PIGQ: variants seen among roughly 807,000 people sequenced by gnomAD.
PIGQ encodes the protein phosphatidylinositol N-acetylglucosaminyltransferase subunit Q.
In PIGQ, 54 loss-of-function variants were observed where a neutral mutation model predicts 60.3. The ratio of observed to expected loss-of-function variants is 0.90; its 90% confidence interval spans 0.72 to 1.12. The LOEUF (loss-of-function observed/expected upper bound fraction) is 1.12. Ranked by LOEUF, PIGQ falls within the 50% of genes most tolerant of loss-of-function variation. The probability of loss-of-function intolerance (pLI) is 0.00; values close to 1 mark genes in which losing one functional copy is unlikely to be tolerated. For synonymous variants in PIGQ, 416 were observed against 363.7 expected, an observed-to-expected ratio of 1.14 and a Z score of -1.64; for missense variants, 799 against 793.5, an observed-to-expected ratio of 1.01 and a Z score of -0.08.
chr16:583,766 C>T lies in PIGQ; in HGVS notation c.*731C>T. 1.0e-6 allele frequency: 1 copy of T among 994,272 alleles called. No homozygotes were observed. The highest frequency in any genetic ancestry group is 1.3e-5 in the South Asian group (1 of 75,432). 61.6% of individuals were successfully genotyped at this position (994,272 alleles called of 1,614,324 possible). A position where few individuals can be genotyped will look rare whatever the true frequency, so the allele number is the denominator to read the frequency against. On this transcript the variant is annotated 3_prime_UTR_variant, in exon 11 of 11. Transcript: ENST00000321878. ...TGCCCCGTAGCAGCAGGTCCTGCGG[C>T]CAAATCTGTCTCCCTTCATGGGCCT...
chr16:582,681 T>C (rs1236736154), intron 10 of PIGQ: 14 of 649,942 alleles, frequency 2.2e-5, no homozygotes, highest in African/African-American at 3.6e-5. Flanking sequence ...CGAGGGGAGA[T>C]GCAGCTTCTG....
chr16:579,232 C>T (rs777415261), intron 7 of PIGQ, 52 bp downstream of exon 7: 23 of 1,473,508 alleles, frequency 1.6e-5, no homozygotes, highest in African/African-American at 1.4e-4. Context: ...GGCCTGTGCC[C>T]GCTGGGCCAG....
rs1426871135 is a variant in PIGQ at position 583,151 on chromosome 16, TC to T, written c.*118del. ...GTGCTTTGTGGACGCTGCTGTGTGC[TC>T]CTGAACACGGCAGGCCCTGCTATCA... On this transcript the variant is annotated 3_prime_UTR_variant, in exon 11 of 11. Transcript: ENST00000321878. 1.9e-6 allele frequency: 3 copies of T among 1,613,202 alleles called. No individual in the cohort carries two copies. In the African/African-American group the frequency reaches 4.0e-5, roughly 22 times the overall value.
In PIGQ at chr16:583,206, G is replaced by T. The variant is rs746689259; in HGVS notation, c.*171G>T. ...CTTGGGCTTGGAGGTCATTGGGAGT[G>T]AGCAGATGTGGGGGTGGCCAGCCAG... On this transcript the variant is annotated 3_prime_UTR_variant, in exon 11 of 11. Transcript: ENST00000321878. 2.5e-6 allele frequency: 4 copies of T among 1,613,120 alleles called. No homozygotes were observed. The African/African-American group carries it at 5.3e-5, about 22-fold the overall frequency.
At position 576,138 on chromosome 16, in the gene PIGQ, G is replaced by A. The variant is rs1249334988; in HGVS notation, c.826G>A (p.Ala276Thr). The change falls in exon 4 of 11, where the codon GCC (alanine) becomes ACC (threonine). Residue 276 changes from alanine (A) to threonine (T), a missense_variant. Ala to Thr is a moderately conservative substitution (Grantham distance 58). Coordinates refer to ENST00000321878, the MANE Select transcript of PIGQ (RefSeq NM_004204.5). ...CGGGCCGGACCTCCCTTCCAGGAAGGCCAACACGGTGGCCTCTGTGCTGCT... is the reference window on the plus strand; with the variant it reads ...CGGGCCGGACCTCCCTTCCAGGAAGACCAACACGGTGGCCTCTGTGCTGCT... ...AENPAQLMRK[A>T]NTVASVLLDV... 1 of 1,548,270 alleles carries A rather than the reference G, an allele frequency of 6.5e-7. No homozygotes were observed.
intron 8 of PIGQ, chr16:580,505 G>A (rs535551040): frequency 1.8e-6 from 1 of 549,256 alleles, no homozygotes; most frequent in Admixed American, 3.1e-5. Flanking sequence ...AGGACCCCAC[G>A]GCAGGTGGGG....
rs1045283 is a variant in PIGQ, at chr16:583,706, C to T, written c.*671C>T. 0.16 allele frequency: 248,017 copies of T among 1,531,978 alleles called. 21,431 individuals carry two copies. The highest frequency in any genetic ancestry group is 0.26 in the South Asian group (22,913 of 89,406). The allele number at this position is 1,531,978 out of a possible 1,614,324, so 94.9% of individuals were successfully genotyped here. On this transcript the variant is annotated 3_prime_UTR_variant, in exon 11 of 11. Coordinates refer to ENST00000321878, the MANE Select transcript of PIGQ (RefSeq NM_004204.5). The stretch of plus-strand genomic sequence containing the variant: ...GGGAGCAGCCTCAGTGTCAAGGGCC[C>T]GCCCACTGACCCAGCCGTACCTATT...
Position 574,139 on chromosome 16 carries a change from G to T in PIGQ, c.65G>T (p.Arg22Leu). 6.2e-7 allele frequency: 1 copy of T among 1,611,982 alleles called. No homozygotes were observed. Among genetic ancestry groups the T allele is most frequent in the Non-Finnish European group, 8.5e-7 (1 of 1,179,670 alleles). The change falls in exon 2 of 11, where the codon CGG (arginine) becomes CTG (leucine). Residue 22 changes from arginine (R) to leucine (L), a missense_variant. Physicochemically the swap from Arg to Leu is moderately radical, Grantham distance 102. Transcript: ENST00000321878. ...ACGGACAGCGGGCTGCTGGTGGGAC[G>T]GTGGGTGCCGGAGCAGAGCAGCGCC... ...VSTDSGLLVG[R>L]WVPEQSSAVV... is the part of the protein sequence containing the mutation.
intron 2 of PIGQ, 57 bp from the exon 3 acceptor site, chr16:575,782 G>A: frequency 4.6e-6 from 7 of 1,525,286 alleles, no homozygotes; most frequent in Non-Finnish European, 6.2e-6. Context: ...GCACAGTGGG[G>A]GACGGTGGGA....
At chr16:581,910 C>T (rs1043772581) in intron 9 of PIGQ, 3 of 357,448 alleles carry the variant, frequency 8.4e-6, no homozygotes, top group South Asian at 4.7e-5. Flanking sequence ...ATTACAGGCA[C>T]ACGCCATCAC....
chr16:572,531 C>T lies in PIGQ; in HGVS notation c.-9-1535C>T, dbSNP rs143838061. The T allele has an allele frequency of 7.1e-4, 323 of 456,102 alleles. 4 individuals carry two copies. The Middle Eastern group carries it at 0.026, about 37-fold the overall frequency. The allele number at this position is 456,102 out of a possible 1,614,324, so 28.3% of individuals were successfully genotyped here. ...AGAGGACTTACAGGTCACACCACCC[C>T]GACGTGTGCATCCTGCTCTGTTCCC... On this transcript the variant is annotated intron_variant, in intron 1 of 10. Transcript: ENST00000321878.
At chr16:578,185 C>G in intron 4 of PIGQ, 194 bp from the exon 5 acceptor site, 1 of 576,980 alleles carries the variant, frequency 1.7e-6, no homozygotes, top group Non-Finnish European at 3.0e-6. Context: ...GAGAGGCCTC[C>G]AGACCAGCCT....
Position 576,225 on chromosome 16 carries a change from C to G in PIGQ, c.913C>G (p.Leu305Val), listed in dbSNP as rs771818509. The G allele has an allele frequency of 4.6e-5, 71 of 1,552,266 alleles. No homozygotes were observed. The highest frequency in any genetic ancestry group is 5.7e-5 in the Non-Finnish European group (65 of 1,148,158). The change falls in exon 4 of 11, where the codon CTG becomes GTG. Residue 305 changes from leucine to valine, a missense_variant. Physicochemically the swap from Leu to Val is conservative, Grantham distance 32. Coordinates refer to ENST00000321878, the MANE Select transcript of PIGQ (RefSeq NM_004204.5). ...CCACGGGAGAAGCCGCATCGGGCAT[C>G]TGGCCGACGCCCTCGTTCCTGTGGC... ...WLHGRSRIGH[L>V]ADALVPVADH...
chr16:579,797 C>G, intron 7 of PIGQ: 1 of 122,380 alleles, frequency 8.2e-6, no homozygotes, highest in African/African-American at 3.1e-5. Flanking sequence ...ACTAGAGGTG[C>G]CCCGGGCCCG....
chr16:571,087 G>GCCTAGCC lies in PIGQ; in HGVS notation c.-10+991_-10+992insCCTAGCC, dbSNP rs1188682941. ...TGTGTGTGTGTGTGTGTGTGTGTGT[G>GCCTAGCC]TGTGTGTGTGTGTGTGTGTGTCTGG... is the stretch of plus-strand genomic sequence containing the variant. On this transcript the variant is annotated intron_variant, in intron 1 of 10. Coordinates refer to ENST00000321878, the MANE Select transcript of PIGQ (RefSeq NM_004204.5). 1.4e-3 allele frequency among the ~76,000 whole-genome samples: 47 copies of GCCTAGCC among 33,720 alleles called. 1 individual carries two copies. Among genetic ancestry groups the GCCTAGCC allele is most frequent in the Non-Finnish European group, 1.5e-3 (28 of 18,246 alleles). 22.1% of individuals were successfully genotyped at this position (33,720 alleles called of 152,430 possible).
chr16:578,536 A>G (rs753668280), intron 5 of PIGQ, 31 bp downstream of exon 5: 1 of 1,601,590 alleles, frequency 6.2e-7, no homozygotes, highest in Non-Finnish European at 8.5e-7. Flanking sequence ...GGCCCCAGGG[A>G]CCCCAGAGCT....
chr16:579,389 G>A (rs917622396), intron 7 of PIGQ: 3 of 590,958 alleles, frequency 5.1e-6, no homozygotes, highest in Non-Finnish European at 9.1e-6. Context: ...ACAGAGAAGA[G>A]ACAGACACAC....
At chr16:581,899 G>A (rs57004627) in intron 9 of PIGQ, 1 of 345,298 alleles carries the variant, frequency 2.9e-6, no homozygotes, top group Non-Finnish European at 5.6e-6. Context: ...AAGTAGCTGA[G>A]ATTACAGGCA....
intron 9 of PIGQ, 122 bp from the exon 10 acceptor site, chr16:582,126 C>T (rs1197581682): frequency 9.3e-6 from 7 of 754,292 alleles, no homozygotes; most frequent in East Asian, 8.1e-5. Flanking sequence ...GGGAGAGCTT[C>T]GTGGGTGGCC....
Sources: allele counts gnomAD v4.1 joint callset (sites outside exome capture counted in the v4.1 genomes callset), GRCh38; gene constraint gnomAD v4.1.1; transcripts MANE v1.5; gene names NCBI Gene and HGNC (gene_info 2026-07-23, HGNC 2026-07-21).